The following AP3D1 variants were observed in gnomAD, a reference collection of about 807,000 sequenced individuals.
AP3D1 encodes the protein AP-3 complex subunit delta-1.
A neutral mutation model predicts 147.6 loss-of-function variants in AP3D1; 51 were observed. The observed-to-expected ratio is 0.35, with a 90% CI of 0.28 to 0.44. AP3D1 has a LOEUF of 0.44. Among genes scored for constraint, AP3D1 ranks in the 20% least tolerant of loss-of-function variants. The pLI, the probability that AP3D1 is intolerant of heterozygous loss-of-function variation, is 1.00. For missense variants in AP3D1, 1,421 were observed against 1,624.2 expected (o/e 0.87, Z 2.15); for synonymous variants, 760 against 663.0 (o/e 1.15, Z -2.25).
At chr19:2,116,821 C>T in intron 16 of AP3D1, 75 bp from the exon 17 acceptor site, 1 of 1,486,638 alleles carries the variant, frequency 6.7e-7, no homozygotes, top group Non-Finnish European at 9.0e-7. Flanking sequence ...CCTGAGCAGG[C>T]TCACCACGTG....
intron 3 of AP3D1, 145 bp from the exon 4 acceptor site, chr19:2,137,236 G>A: frequency 1.5e-6 from 1 of 669,866 alleles, no homozygotes; most frequent in Admixed American, 2.6e-5. Flanking sequence ...CAGCAAGTGG[G>A]AACCAACCCG....
chr19:2,139,917 G>A (rs1241153105), intron 1 of AP3D1, among the ~76,000 whole-genome samples: 1 of 152,164 alleles, frequency 6.6e-6, no homozygotes, highest in East Asian at 1.9e-4. Context: ...CCCCAACCTC[G>A]GCTGCCAGCT....
chr19:2,137,418 A>G (rs1490868087), intron 3 of AP3D1, among the ~76,000 whole-genome samples: 1 of 151,882 alleles, frequency 6.6e-6, no homozygotes, highest in African/African-American at 2.4e-5. Context: ...GGTTCAAGCA[A>G]TTCTCCTGTC....
intron 8 of AP3D1, among the ~76,000 whole-genome samples, chr19:2,127,939 C>A (rs543861163): frequency 6.6e-6 from 1 of 152,236 alleles, no homozygotes; most frequent in Non-Finnish European, 1.5e-5. Context: ...AATGGCCACG[C>A]GCCATAGCCT....
chr19:2,150,551 T>C (rs1035317183), intron 1 of AP3D1, among the ~76,000 whole-genome samples: 7 of 152,192 alleles, frequency 4.6e-5, no homozygotes, highest in Non-Finnish European at 1.0e-4. Context: ...GCTACCTCAC[T>C]GGGGATCAGG....
Position 2,108,718 on chromosome 19 carries a change from T to C in AP3D1, c.3521A>G (p.Gln1174Arg), listed in dbSNP as rs1274534352. ...CACCAGGAGGCAGACATGGTGGCCC[T>C]GGATGGAGCGGCTGTACATGGAGGC... ...SCASMYSRSI[Q>R]GHHVCLLVKK... The change falls in exon 31 of 32, where the codon CAG (glutamine) becomes CGG (arginine). Residue 1174 changes from glutamine to arginine, a missense_variant. Transcript: ENST00000643116. 2 of 1,584,430 alleles carry C rather than the reference T, an allele frequency of 1.3e-6. No individual in the cohort carries two copies. The highest frequency in any genetic ancestry group is 2.3e-5 in the South Asian group (2 of 86,344).
intron 1 of AP3D1, among the ~76,000 whole-genome samples, chr19:2,147,767 G>A (rs545695852): frequency 2.0e-5 from 3 of 151,448 alleles, no homozygotes; most frequent in South Asian, 2.1e-4. Flanking sequence ...GGTGGCACTC[G>A]CCTGTTGTCC....
At chr19:2,148,985 A>G (rs887341627) in intron 1 of AP3D1, among the ~76,000 whole-genome samples, 1 of 151,726 alleles carries the variant, frequency 6.6e-6, no homozygotes, top group Non-Finnish European at 1.5e-5. Context: ...GCTTTTTCAA[A>G]GTGAGTGGGG....
Position 2,132,474 on chromosome 19 carries a change from T to C in AP3D1, c.459A>G (p.Thr153=). 1 of 1,603,888 alleles carries C rather than the reference T, an allele frequency of 6.2e-7. No individual in the cohort carries two copies. The highest frequency in any genetic ancestry group is 8.5e-7 in the Non-Finnish European group (1 of 1,171,628). Residue 153 remains threonine (T), a synonymous_variant, in exon 5 of 32, where the codon ACA becomes ACG. Transcript: ENST00000643116. ...GTGGGCAGGCTTACAAACTCACCAG[T>C]GTCATGATGTCATTTGCCAGGTCTC... The part of the protein sequence containing the change: ...LARDLANDIM[T]LMSHTKPYIR...
intron 1 of AP3D1, among the ~76,000 whole-genome samples, chr19:2,148,220 A>C (rs1389776529): frequency 1.3e-5 from 2 of 152,158 alleles, no homozygotes; most frequent in African/African-American, 4.8e-5. Context: ...TTGTGAGAAC[A>C]AAATATTAAA....
At chr19:2,159,211 ATCTC>A (rs1222618751) in intron 1 of AP3D1, among the ~76,000 whole-genome samples, 1 of 143,604 alleles carries the variant, frequency 7.0e-6, no homozygotes, top group African/African-American at 2.6e-5. Flanking sequence ...GATGGTTTCC[ATCTC>A]TCTCTCTTTT....
At position 2,109,314 on chromosome 19, in the gene AP3D1, T is replaced by C. The variant is rs373783392; in HGVS notation, c.3351-107A>G. The C allele has an allele frequency of 2.5e-5, 35 of 1,419,132 alleles. No homozygotes were observed. The East Asian group carries it at 7.5e-4, about 31-fold the overall frequency. 87.9% of individuals were successfully genotyped at this position (1,419,132 alleles called of 1,614,324 possible). On this transcript the variant is annotated intron_variant, in intron 29 of 31. Coordinates refer to ENST00000643116, the MANE Select transcript of AP3D1 (RefSeq NM_001261826.3). ...CACACGCTGCGCTTGGACACCCTCC[T>C]GTGTGTCTGGGCCGGGAGGTCTTGG...
At chr19:2,117,466 T>C (rs2145051493) in intron 15 of AP3D1, 99 bp from the exon 16 acceptor site, 1 of 1,313,184 alleles carries the variant, frequency 7.6e-7, no homozygotes, top group East Asian at 2.7e-5. Context: ...CAGTGACGTG[T>C]GGGCCCCCTG....
intron 1 of AP3D1, among the ~76,000 whole-genome samples, chr19:2,148,151 A>T (rs1226724986): frequency 2.6e-5 from 4 of 151,456 alleles, no homozygotes; most frequent in Non-Finnish European, 5.9e-5. Context: ...CGTCTCAAAA[A>T]AAAAAAAAAA....
At position 2,102,142 on chromosome 19, in the gene AP3D1, C is replaced by A; in HGVS notation, c.*31G>T. On this transcript the variant is annotated 3_prime_UTR_variant, in exon 32 of 32. Transcript: ENST00000643116. ...GGCTGCGGTCCCTGGGTACGTGCTC[C>A]GCGGGGTGGTGCGGGGCTCGCAGGC... 1 of 1,576,552 alleles carries A rather than the reference C, an allele frequency of 6.3e-7. No homozygotes were observed.
At chr19:2,163,264 G>T (rs965086000) in intron 1 of AP3D1, among the ~76,000 whole-genome samples, 3 of 152,044 alleles carry the variant, frequency 2.0e-5, no homozygotes, top group African/African-American at 7.2e-5. Flanking sequence ...AATAGAGACA[G>T]GGTTTCACCA....
chr19:2,150,230 G>T (rs1407887475), intron 1 of AP3D1, among the ~76,000 whole-genome samples: 3 of 152,184 alleles, frequency 2.0e-5, no homozygotes, highest in African/African-American at 7.2e-5. Flanking sequence ...GACTGGTGCG[G>T]TATCAGACGG....
At chr19:2,119,713 A>C (rs1233638223) in intron 14 of AP3D1, among the ~76,000 whole-genome samples, 1 of 148,754 alleles carries the variant, frequency 6.7e-6, no homozygotes, top group African/African-American at 2.5e-5. Context: ...AAAAAAAAAA[A>C]AAAAAAAAAA....
chr19:2,145,061 T>C (rs2019321789), intron 1 of AP3D1, among the ~76,000 whole-genome samples: 1 of 152,214 alleles, frequency 6.6e-6, no homozygotes, highest in South Asian at 2.1e-4. Context: ...CTTCATTTCA[T>C]GCCTAGAACA....
Sources: allele counts gnomAD v4.1 joint callset (sites outside exome capture counted in the v4.1 genomes callset), GRCh38; gene constraint gnomAD v4.1.1; transcripts MANE v1.5; gene names NCBI Gene and HGNC (gene_info 2026-07-23, HGNC 2026-07-21).